Variants in PPP2R2C observed in about 807,000 individuals in gnomAD.
The protein encoded by PPP2R2C is protein phosphatase 2, regulatory subunit B, gamma.
Under a neutral mutation model 45.3 loss-of-function variants are expected in PPP2R2C, and 10 were observed. That is an observed-to-expected ratio of 0.22 (90% confidence interval 0.14 to 0.37). The LOEUF (loss-of-function observed/expected upper bound fraction) is 0.37. PPP2R2C is among the 10% of genes least tolerant of loss of function. PPP2R2C has a pLI of 1.00. For synonymous variants in PPP2R2C, 257 were observed against 245.4 expected (o/e 1.05, Z -0.44); for missense variants, 308 against 619.7 (o/e 0.50, Z 5.34).
intron 2 of PPP2R2C, among the ~76,000 whole-genome samples, chr4:6,517,139 C>A (rs578210673): frequency 6.6e-6 from 1 of 152,208 alleles, no homozygotes; most frequent in Non-Finnish European, 1.5e-5. Flanking sequence ...TCCTTCCCAG[C>A]AAGCCCACCA....
chr4:6,401,776 C>T (rs12505766), intron 1 of PPP2R2C, among the ~76,000 whole-genome samples: 41,869 of 152,052 alleles, frequency 0.28, 6,523 homozygotes, highest in East Asian at 0.7. Context: ...ACAAGTGACA[C>T]TGGAGAACAG....
intron 2 of PPP2R2C, among the ~76,000 whole-genome samples, chr4:6,527,436 G>A (rs1364151761): frequency 6.7e-6 from 1 of 149,740 alleles, no homozygotes; most frequent in Non-Finnish European, 1.5e-5. Context: ...TGCCCCAGAC[G>A]GTGAGTCACC....
chr4:6,459,599 A>G (rs145533864), intron 1 of PPP2R2C, among the ~76,000 whole-genome samples: 1 of 152,334 alleles, frequency 6.6e-6, no homozygotes, highest in Non-Finnish European at 1.5e-5. Context: ...AATATATGCC[A>G]TGGTCAATAA....
intron 1 of PPP2R2C, among the ~76,000 whole-genome samples, chr4:6,557,487 G>T (rs1725441160): frequency 6.6e-6 from 1 of 152,202 alleles, no homozygotes; most frequent in Non-Finnish European, 1.5e-5. Context: ...AGGCAAGGAA[G>T]GTCTCTGGAG....
chr4:6,470,988 CCTCCGCGGGG>C (rs1721844678), intron 1 of PPP2R2C, among the ~76,000 whole-genome samples: 2 of 152,018 alleles, frequency 1.3e-5, no homozygotes, highest in Admixed American at 6.5e-5. Flanking sequence ...GCTCCCCGGG[CCTCCGCGGGG>C]CTCCGGCTCC....
At chr4:6,429,925 C>A (rs1189417071) in intron 1 of PPP2R2C, among the ~76,000 whole-genome samples, 2 of 152,092 alleles carry the variant, frequency 1.3e-5, no homozygotes, top group Non-Finnish European at 2.9e-5. Context: ...GAAAGATGAC[C>A]TGCTTCTACT....
intron 2 of PPP2R2C, among the ~76,000 whole-genome samples, chr4:6,511,125 A>G (rs1723435157): frequency 6.6e-6 from 1 of 152,118 alleles, no homozygotes; most frequent in African/African-American, 2.4e-5. Context: ...TGTAACATGG[A>G]GATAATAATC....
At chr4:6,532,915 G>C (rs1724451072) in intron 2 of PPP2R2C, among the ~76,000 whole-genome samples, 1 of 152,232 alleles carries the variant, frequency 6.6e-6, no homozygotes, top group African/African-American at 2.4e-5. Context: ...CCCCAGCATT[G>C]TCTGCTCTAT....
intron 1 of PPP2R2C, among the ~76,000 whole-genome samples, chr4:6,561,593 C>T (rs1419936754): frequency 6.6e-6 from 1 of 152,120 alleles, no homozygotes; most frequent in African/African-American, 2.4e-5. Context: ...CCAAAAAGAG[C>T]TTAATGGCTA....
Position 6,425,767 on chromosome 4 carries a change from G to A in PPP2R2C, c.71-44673C>T, listed in dbSNP as rs529365771. Among the ~76,000 whole-genome samples the A allele has an allele frequency of 1.0e-3, 159 of 152,062 alleles. 1 individual carries two copies. Among genetic ancestry groups the A allele is most frequent in the Non-Finnish European group, 2.0e-3 (139 of 68,014 alleles). ...CTAGAAGACAAGGAGAGTCTGTTCAGGAAAATTGGTGTGCATACAGAACAG... is the reference window on the plus strand; with the variant it reads ...CTAGAAGACAAGGAGAGTCTGTTCAAGAAAATTGGTGTGCATACAGAACAG... On this transcript the variant is annotated intron_variant, in intron 1 of 8. Coordinates refer to ENST00000382599, the MANE Select transcript of PPP2R2C (RefSeq NM_020416.4).
chr4:6,415,409 A>G (rs1421779316), intron 1 of PPP2R2C, among the ~76,000 whole-genome samples: 1 of 152,226 alleles, frequency 6.6e-6, no homozygotes, highest in African/African-American at 2.4e-5. Context: ...AAGCTTTCCC[A>G]GCCTGGGGCT....
At chr4:6,478,240 AG>A (rs1288380923) in intron 2 of PPP2R2C, among the ~76,000 whole-genome samples, 1 of 152,260 alleles carries the variant, frequency 6.6e-6, no homozygotes, top group Admixed American at 6.5e-5. Flanking sequence ...GAATGGCCAC[AG>A]GGGAGGTCAT....
Position 6,331,931 on chromosome 4 carries a change from T to C in PPP2R2C, c.960+1631A>G, listed in dbSNP as rs1051186287. Among the ~76,000 whole-genome samples the C allele has an allele frequency of 2.0e-5, 3 of 152,076 alleles. No individual in the cohort carries two copies. Among genetic ancestry groups the C allele is most frequent in the Admixed American group, 6.5e-5 (1 of 15,278 alleles). The stretch of plus-strand genomic sequence containing the variant: ...GCACATCACAAGCCACCAAAAAATG[T>C]TGGTTGTTGTGCTGCTTTTATGTAG... On this transcript the variant is annotated intron_variant, in intron 7 of 8. Transcript: ENST00000382599. The surrounding 1 kb of genome is among the most constrained non-coding windows in gnomAD (Gnocchi z 5.9).
At chr4:6,342,129 TAC>T (rs1406472974) in intron 6 of PPP2R2C, among the ~76,000 whole-genome samples, 18 of 119,782 alleles carry the variant, frequency 1.5e-4, no homozygotes, top group Admixed American at 3.3e-4. Flanking sequence ...CACACACACA[TAC>T]ATATATATAC....
chr4:6,517,329 TGG>T (rs1334742010), intron 2 of PPP2R2C, among the ~76,000 whole-genome samples: 1 of 152,234 alleles, frequency 6.6e-6, no homozygotes, highest in East Asian at 1.9e-4. Flanking sequence ...TCAGCCTATC[TGG>T]GTCCAAAACC....
chr4:6,526,248 ATATACT>A (rs1164096469), intron 2 of PPP2R2C, among the ~76,000 whole-genome samples: 1 of 152,234 alleles, frequency 6.6e-6, no homozygotes, highest in Admixed American at 6.5e-5. Context: ...TGTTGAATAC[ATATACT>A]TAGCTAACCC....
At chr4:6,427,176 G>A (rs186691772) in intron 1 of PPP2R2C, among the ~76,000 whole-genome samples, 62 of 152,358 alleles carry the variant, frequency 4.1e-4, no homozygotes, top group Non-Finnish European at 8.1e-4. Context: ...GGACGAGCTG[G>A]GGGCCCCACT....
intron 1 of PPP2R2C, among the ~76,000 whole-genome samples, chr4:6,448,029 AC>A: frequency 6.6e-6 from 1 of 151,770 alleles, no homozygotes; most frequent in East Asian, 1.9e-4. Flanking sequence ...CTCCTGGTAC[AC>A]CCCCGTGGGA....
intron 2 of PPP2R2C, among the ~76,000 whole-genome samples, chr4:6,511,685 A>C (rs142446207): frequency 6.7e-4 from 1 of 1,494 alleles, no homozygotes; most frequent in Non-Finnish European, 1.3e-3. Flanking sequence ...ATGGTGGTGG[A>C]GGTGATGGTG....
Sources: allele counts gnomAD v4.1 joint callset (sites outside exome capture counted in the v4.1 genomes callset), GRCh38; gene constraint gnomAD v4.1.1; non-coding constraint Gnocchi (gnomAD v3.1); transcripts MANE v1.5; gene names NCBI Gene and HGNC (gene_info 2026-07-23, HGNC 2026-07-21).